Variants in FGF14 observed in about 807,000 individuals in gnomAD.
FGF14 encodes fibroblast growth factor homologous factor 4.
FGF14 carries 5 observed loss-of-function variants against 25.5 expected under a neutral mutation model. The observed-to-expected ratio is 0.20, with a 90% CI of 0.10 to 0.41. The LOEUF (loss-of-function observed/expected upper bound fraction) is 0.41. Among genes scored for constraint, FGF14 ranks in the 10% least tolerant of loss-of-function variants. The pLI is 1.00. For missense variants in FGF14, 222 were observed against 320.1 expected, an observed-to-expected ratio of 0.69 and a Z score of 2.34; for synonymous variants, 138 against 118.3, an observed-to-expected ratio of 1.17 and a Z score of -1.08.
chr13:102,108,851 T>G (rs1048169892), intron 1 of FGF14, among the ~76,000 whole-genome samples: 4 of 152,332 alleles, frequency 2.6e-5, no homozygotes, highest in African/African-American at 7.2e-5. Context: ...ACTCAGAACA[T>G]GTCACACAAT....
intron 1 of FGF14, among the ~76,000 whole-genome samples, chr13:102,398,985 G>A (rs529591607): frequency 6.6e-6 from 1 of 151,498 alleles, no homozygotes; most frequent in Admixed American, 6.6e-5. Context: ...TAGAATAGTT[G>A]GTAATGTTCT....
intron 1 of FGF14, among the ~76,000 whole-genome samples, chr13:101,978,472 A>G (rs1386104383): frequency 6.6e-6 from 1 of 152,228 alleles, no homozygotes; most frequent in African/African-American, 2.4e-5. Flanking sequence ...TATCAAAGAC[A>G]CTTTTGCCAA....
chr13:101,784,609 T>G (rs562788952), intron 3 of FGF14, among the ~76,000 whole-genome samples: 1 of 152,212 alleles, frequency 6.6e-6, no homozygotes, highest in African/African-American at 2.4e-5. Flanking sequence ...CTGAAGATTA[T>G]TTAACCTTTT....
chr13:101,997,684 C>T (rs2039258854), intron 1 of FGF14, among the ~76,000 whole-genome samples: 1 of 152,100 alleles, frequency 6.6e-6, no homozygotes, highest in African/African-American at 2.4e-5. Context: ...CACTGCATTA[C>T]AAGCTATAAC....
chr13:101,878,914 A>G (rs2045546868), intron 1 of FGF14, among the ~76,000 whole-genome samples: 2 of 148,562 alleles, frequency 1.3e-5, no homozygotes, highest in South Asian at 2.2e-4. Flanking sequence ...GAAGGCTTGC[A>G]TGATATTTTT....
chr13:101,855,533 C>A (rs1339170612), intron 3 of FGF14, among the ~76,000 whole-genome samples: 1 of 151,892 alleles, frequency 6.6e-6, no homozygotes, highest in Non-Finnish European at 1.5e-5. Flanking sequence ...CAGAAAATGG[C>A]TGGAATATCT....
At chr13:101,967,586 T>C (rs1756719555) in intron 1 of FGF14, 1 of 152,610 alleles carries the variant, frequency 6.6e-6, no homozygotes, top group Admixed American at 6.5e-5. Flanking sequence ...ACATCTGTTT[T>C]TAAATGTTCT....
intron 1 of FGF14, among the ~76,000 whole-genome samples, chr13:102,308,178 G>C (rs891209913): frequency 1.3e-5 from 2 of 152,148 alleles, no homozygotes; most frequent in African/African-American, 4.8e-5. Context: ...GATCAAGCCA[G>C]ATATCTCCCT....
intron 3 of FGF14, among the ~76,000 whole-genome samples, chr13:101,734,821 C>T (rs1430452806): frequency 3.3e-5 from 5 of 152,076 alleles, no homozygotes; most frequent in Non-Finnish European, 7.4e-5. Context: ...TGCCCGAGTA[C>T]GTTACTTTCA....
At chr13:102,168,440 G>C (rs2048110475) in intron 1 of FGF14, among the ~76,000 whole-genome samples, 1 of 151,976 alleles carries the variant, frequency 6.6e-6, no homozygotes, top group Admixed American at 6.6e-5. Context: ...CGGCCTCCCA[G>C]AGTGCTGAGA....
chr13:101,737,099 C>T (rs9518506), intron 3 of FGF14, among the ~76,000 whole-genome samples: 38,257 of 146,152 alleles, frequency 0.26, 6,162 homozygotes, highest in East Asian at 0.51. Flanking sequence ...CTGGTGTGGA[C>T]GGCCTACTTG....
chr13:102,151,450 T>A (rs988298541), intron 1 of FGF14, among the ~76,000 whole-genome samples: 8 of 152,210 alleles, frequency 5.3e-5, no homozygotes, highest in African/African-American at 1.9e-4. Context: ...ACTTAACATC[T>A]ATACTAATGT....
At chr13:101,761,051 C>G (rs2037996470) in intron 3 of FGF14, among the ~76,000 whole-genome samples, 1 of 152,050 alleles carries the variant, frequency 6.6e-6, no homozygotes, top group African/African-American at 2.4e-5. Flanking sequence ...CTTTTCAAAC[C>G]AAAATATTAA....
At chr13:101,920,632 T>C (rs892430813), upstream of FGF14, among the ~76,000 whole-genome samples, 1 of 152,186 alleles carries the variant, frequency 6.6e-6, no homozygotes, top group Non-Finnish European at 1.5e-5. Flanking sequence ...GTTTCCATGT[T>C]TTTTCAATAT....
chr13:101,960,297 A>T (rs529528490), intron 1 of FGF14, among the ~76,000 whole-genome samples: 1 of 152,254 alleles, frequency 6.6e-6, no homozygotes, highest in Admixed American at 6.5e-5. Context: ...CCTATAATCC[A>T]TCACCTAGGT....
At chr13:102,264,990 A>G (rs1237868962) in intron 1 of FGF14, among the ~76,000 whole-genome samples, 1 of 152,188 alleles carries the variant, frequency 6.6e-6, no homozygotes, top group African/African-American at 2.4e-5. Context: ...GTCATTCTGT[A>G]TCATAAAGAA....
chr13:102,372,553 T>C (rs2057917314), intron 1 of FGF14, among the ~76,000 whole-genome samples: 1 of 152,070 alleles, frequency 6.6e-6, no homozygotes, highest in Non-Finnish European at 1.5e-5. Flanking sequence ...CCATCCCCTA[T>C]CCTCTATATT....
chr13:101,837,770 A>T (rs1435787537), intron 3 of FGF14, among the ~76,000 whole-genome samples: 1 of 152,040 alleles, frequency 6.6e-6, no homozygotes, highest in East Asian at 1.9e-4. Flanking sequence ...GATGGTTAAT[A>T]TTGTGTCAAC....
intron 3 of FGF14, among the ~76,000 whole-genome samples, chr13:101,820,308 A>G (rs1232593555): frequency 1.2e-4 from 19 of 152,232 alleles, no homozygotes; most frequent in Admixed American, 1.2e-3. Flanking sequence ...CATATCACCA[A>G]TAGTGAACAG....
Sources: gnomAD v4.1 joint callset for allele counts (sites outside exome capture counted in the v4.1 genomes callset) on GRCh38, gnomAD v4.1.1 for gene constraint, MANE v1.5 for transcripts, NCBI Gene and HGNC (gene_info 2026-07-23, HGNC 2026-07-21) for gene names.